NOP9: variants seen among roughly 807,000 people sequenced by gnomAD.
The protein encoded by NOP9 is nucleolar protein 9.
NOP9 carries 50 observed loss-of-function variants against 63.0 expected under a neutral mutation model. The ratio of observed to expected loss-of-function variants is 0.79; its 90% CI spans 0.63 to 1.00. The LOEUF (loss-of-function observed/expected upper bound fraction) is 1.00, where lower values mean the gene tolerates loss of function less well. NOP9 is among the 50% of genes least tolerant of loss of function. NOP9 has a pLI of 0.00. For missense variants in NOP9, 758 were observed against 803.0 expected (o/e 0.94, Z 0.68); for synonymous variants, 343 against 332.8 (o/e 1.03, Z -0.33).
the NOP9 span, among the ~76,000 whole-genome samples, chr14:24,287,257 C>G: frequency 6.6e-6 from 1 of 152,230 alleles, no homozygotes; most frequent in Non-Finnish European, 1.5e-5. Flanking sequence ...GCCTCCTGGA[C>G]TGCTTTGCCC....
the NOP9 span, among the ~76,000 whole-genome samples, chr14:24,286,954 A>G: frequency 6.6e-6 from 1 of 151,106 alleles, no homozygotes; most frequent in Non-Finnish European, 1.5e-5. Context: ...TAGTGGCGCA[A>G]TCTCAGCTCA....
chr14:24,304,312 A>G (rs375260057), intron 8 of NOP9, 35 bp downstream of exon 8: 3 of 1,551,046 alleles, frequency 1.9e-6, no homozygotes, highest in Non-Finnish European at 2.7e-6. Flanking sequence ...ATTCCCCACC[A>G]TCATCCATTT....
At position 24,300,977 on chromosome 14, in the gene NOP9, A is replaced by G. The variant is rs1223232600; in HGVS notation, c.697+120A>G. ...AGCTTGACCGGGAAGAATTAGCTTG[A>G]CCTGTCCTAATCTGAACAGGGCTTA... On this transcript the variant is annotated intron_variant, in intron 2 of 9. Transcript: ENST00000267425. 4 of 811,970 alleles carry G rather than the reference A, an allele frequency of 4.9e-6. No individual in the cohort carries two copies. The Admixed American group carries it at 1.1e-4, about 22-fold the overall frequency. The allele number at this position is 811,970 out of a possible 1,614,324, so 50.3% of individuals were successfully genotyped here.
upstream of NOP9, chr14:24,296,449 C>A (rs2041248705): frequency 6.5e-7 from 1 of 1,545,170 alleles, no homozygotes. Flanking sequence ...AAGGAAAGGC[C>A]TGGCCGTCGA....
the NOP9 span, among the ~76,000 whole-genome samples, chr14:24,279,904 A>G: frequency 6.6e-6 from 1 of 152,172 alleles, no homozygotes; most frequent in Non-Finnish European, 1.5e-5. Context: ...CTGTGGAACA[A>G]AGTGAGACTG....
At chr14:24,304,651 C>T in intron 9 of NOP9, 53 bp downstream of exon 9, 1 of 1,353,168 alleles carries the variant, frequency 7.4e-7, no homozygotes, top group Non-Finnish European at 1.0e-6. Context: ...TCTCTTACTC[C>T]AGATCACTGG....
rs1167416230 is a variant in NOP9, at chr14:24,300,080, T to C, written c.126T>C (p.Pro42=). 1.2e-6 allele frequency: 2 copies of C among 1,612,954 alleles called. No individual in the cohort carries two copies. The highest frequency in any genetic ancestry group is 1.1e-5 in the South Asian group (1 of 91,074). Residue 42 remains proline, a synonymous_variant, in exon 1 of 10, where the codon CCT becomes CCC. Transcript: ENST00000267425. ...GCCGTAAGCGGCAACCCTGGCCGCCTCCGGATGGGCGCTCGGAGCCGGCTC... is the reference window on the plus strand; with the variant it reads ...GCCGTAAGCGGCAACCCTGGCCGCCCCCGGATGGGCGCTCGGAGCCGGCTC... ...LPGRKRQPWP[P]PDGRSEPAPD... is the part of the protein sequence containing the mutation.
the NOP9 span, among the ~76,000 whole-genome samples, chr14:24,271,985 C>A: frequency 1.3e-5 from 2 of 152,112 alleles, no homozygotes; most frequent in Admixed American, 6.5e-5. Context: ...TCCTCCTGCA[C>A]CTCTGCCTCT....
In NOP9 at chr14:24,300,274, C is replaced by T; in HGVS notation, c.247+73C>T. 2.5e-6 allele frequency: 4 copies of T among 1,585,530 alleles called. No individual in the cohort carries two copies. The South Asian group carries it at 4.6e-5, about 18-fold the overall frequency. Reference sequence around the variant, plus strand: ...AGGCAAGGAAACTTTCTAGGGTCGGCAGGGCGTGGGGACTTAGTTTCATTT... The same window carrying T: ...AGGCAAGGAAACTTTCTAGGGTCGGTAGGGCGTGGGGACTTAGTTTCATTT... On this transcript the variant is annotated intron_variant, in intron 1 of 9. Coordinates refer to ENST00000267425, the MANE Select transcript of NOP9 (RefSeq NM_174913.3).
the NOP9 span, among the ~76,000 whole-genome samples, chr14:24,272,998 T>C: frequency 6.6e-6 from 1 of 152,136 alleles, no homozygotes; most frequent in Non-Finnish European, 1.5e-5. Context: ...AAGACTGTGA[T>C]TTTTTTCCCT....
chr14:24,301,481 A>G (rs1594618466), intron 2 of NOP9, 131 bp from the exon 3 acceptor site: 1 of 1,097,174 alleles, frequency 9.1e-7, no homozygotes, highest in South Asian at 1.5e-5. Flanking sequence ...TCAGTCATCC[A>G]GAAGAGACAT....
the NOP9 span, chr14:24,292,479 C>A: frequency 6.8e-7 from 1 of 1,474,220 alleles, no homozygotes; most frequent in East Asian, 2.4e-5. Context: ...AGTGTGATGC[C>A]TACTCTAGCC....
chr14:24,288,601 G>T, the NOP9 span, among the ~76,000 whole-genome samples: 2 of 152,190 alleles, frequency 1.3e-5, no homozygotes, highest in African/African-American at 4.8e-5. Flanking sequence ...GCCTGCGTCA[G>T]CCTCCCAAAG....
Position 24,302,252 on chromosome 14 carries a change from G to A in NOP9, c.971G>A (p.Arg324Gln), listed in dbSNP as rs767072385. ...CCTAGTCCCCTACTGCTATTTCTCCGAGATCAGACGAGTTCCAGACTCCTG... is the reference window on the plus strand; with the variant it reads ...CCTAGTCCCCTACTGCTATTTCTCCAAGATCAGACGAGTTCCAGACTCCTG... ...VDGSPLLLFLRDQTSSRLLEQ... is the reference protein window; with the variant it reads ...VDGSPLLLFLQDQTSSRLLEQ... Residue 324 changes from arginine (R) to glutamine (Q), a missense_variant, in exon 5 of 10, where the codon CGA becomes CAA. Transcript: ENST00000267425. 12 of 1,612,528 alleles carry A rather than the reference G, an allele frequency of 7.4e-6. No individual in the cohort carries two copies. The highest frequency in any genetic ancestry group is 5.0e-5 in the Admixed American group (3 of 59,968).
In NOP9 at chr14:24,305,776, G is replaced by C. The variant is rs2041483569; in HGVS notation, c.*681G>C. The C allele has an allele frequency of 1.2e-6, 2 of 1,611,104 alleles. No homozygotes were observed. Among genetic ancestry groups the C allele is most frequent in the Admixed American group, 3.4e-5 (2 of 59,262 alleles). On this transcript the variant is annotated 3_prime_UTR_variant, in exon 10 of 10. Coordinates refer to ENST00000267425, the MANE Select transcript of NOP9 (RefSeq NM_174913.3). Reference sequence around the variant, plus strand: ...CAACGAAGGAGCTCCCTGAATGGCAGAGACAAGAGGAAATCAGATGATTTG... The same window carrying C: ...CAACGAAGGAGCTCCCTGAATGGCACAGACAAGAGGAAATCAGATGATTTG...
Position 24,305,677 on chromosome 14 carries a change from C to G in NOP9, c.*582C>G, listed in dbSNP as rs755694680. The G allele has an allele frequency of 2.5e-6, 4 of 1,614,220 alleles. No homozygotes were observed. In the East Asian group the frequency reaches 8.9e-5, roughly 36 times the overall value. ...CCCTTCTGCTGCCACTGCTCAGCCC[C>G]CTCCACTGCATGACGAAGGGTGGAG... On this transcript the variant is annotated 3_prime_UTR_variant, in exon 10 of 10. Transcript: ENST00000267425.
At chr14:24,276,392 AT>A in the NOP9 span, among the ~76,000 whole-genome samples, 3 of 151,584 alleles carry the variant, frequency 2.0e-5, no homozygotes, top group Non-Finnish European at 2.9e-5. Context: ...AAAAAAAAAA[AT>A]AGGTGGGACT....
upstream of NOP9, chr14:24,296,484 T>G (rs2041249556): frequency 1.9e-6 from 3 of 1,613,086 alleles, no homozygotes; most frequent in East Asian, 6.7e-5. Context: ...TGAGGGAACA[T>G]GGGTCCTGGC....
At chr14:24,273,671 C>T in the NOP9 span, among the ~76,000 whole-genome samples, 1 of 152,234 alleles carries the variant, frequency 6.6e-6, no homozygotes, top group Non-Finnish European at 1.5e-5. Flanking sequence ...TTTGTGCCAG[C>T]CACTGTGATG....
Sources: gnomAD v4.1 joint callset for allele counts (sites outside exome capture counted in the v4.1 genomes callset) on GRCh38, gnomAD v4.1.1 for gene constraint, MANE v1.5 for transcripts, NCBI Gene and HGNC (gene_info 2026-07-23, HGNC 2026-07-21) for gene names.